PTPRM: variants seen among roughly 807,000 people sequenced by gnomAD.
The protein encoded by PTPRM is protein tyrosine phosphatase receptor type M.
Under a neutral mutation model 186.7 loss-of-function variants are expected in PTPRM, and 47 were observed. The observed-to-expected ratio is 0.25, with a 90% CI of 0.20 to 0.32. The LOEUF is 0.32. PTPRM is among the 10% of genes least tolerant of loss of function. The probability of loss-of-function intolerance (pLI) is 1.00; values close to 1 mark genes in which losing one functional copy is unlikely to be tolerated. For synonymous variants in PTPRM, 668 were observed against 674.9 expected (o/e 0.99, Z 0.16); for missense variants, 1,494 against 1,865.0 (o/e 0.80, Z 3.66).
chr18:8,200,889 C>T (rs1311449166), intron 14 of PTPRM, among the ~76,000 whole-genome samples: 1 of 152,114 alleles, frequency 6.6e-6, no homozygotes, highest in African/African-American at 2.4e-5. Flanking sequence ...TATTCCTTTA[C>T]ATAACTGCAA....
chr18:7,884,210 C>T (rs1172687240), intron 2 of PTPRM, among the ~76,000 whole-genome samples: 1 of 152,120 alleles, frequency 6.6e-6, no homozygotes, highest in Non-Finnish European at 1.5e-5. Context: ...CTAAAGTCAT[C>T]ATAATGAAAG....
At chr18:8,349,749 G>C (rs2095524403) in intron 23 of PTPRM, among the ~76,000 whole-genome samples, 1 of 152,158 alleles carries the variant, frequency 6.6e-6, no homozygotes, top group Non-Finnish European at 1.5e-5. Flanking sequence ...ATTTCATTTT[G>C]TACTCAGCCC....
intron 21 of PTPRM, among the ~76,000 whole-genome samples, chr18:8,316,184 G>C (rs2095307776): frequency 6.6e-6 from 1 of 152,070 alleles, no homozygotes; most frequent in Non-Finnish European, 1.5e-5. Flanking sequence ...AGGCTCCAGG[G>C]GACACCGTTC....
At position 8,252,476 on chromosome 18, in the gene PTPRM, T is replaced by C; in HGVS notation, c.2555-12T>C. 6.5e-7 allele frequency: 1 copy of C among 1,539,606 alleles called. No individual in the cohort carries two copies. On this transcript the variant is annotated splice_polypyrimidine_tract_variant and intron_variant, in intron 17 of 32. Coordinates refer to ENST00000580170, the MANE Select transcript of PTPRM (RefSeq NM_001105244.2). ...TCCTCCTTTTTTCTCCTGATATGTA[T>C]CTTCTTAAAAGTGCCAATAAATGGT...
intron 5 of PTPRM, among the ~76,000 whole-genome samples, chr18:7,927,135 G>C (rs2051220134): frequency 6.6e-6 from 1 of 151,872 alleles, no homozygotes. Context: ...TTTTACTTTT[G>C]AGCTTTTAAA....
chr18:8,301,679 G>A (rs28728377), intron 20 of PTPRM, among the ~76,000 whole-genome samples: 2,462 of 152,334 alleles, frequency 0.016, 78 homozygotes, highest in African/African-American at 0.056. Context: ...AGGTGTCAGC[G>A]AGAGAGCAGG....
At chr18:7,641,489 C>A (rs577188523) in intron 1 of PTPRM, among the ~76,000 whole-genome samples, 2 of 152,158 alleles carry the variant, frequency 1.3e-5, no homozygotes, top group South Asian at 2.1e-4. Context: ...TGAAAAAAAA[C>A]ACACATCTTC....
At chr18:8,190,501 AC>A (rs1201603857) in intron 14 of PTPRM, among the ~76,000 whole-genome samples, 3 of 152,178 alleles carry the variant, frequency 2.0e-5, no homozygotes, top group African/African-American at 7.2e-5. Flanking sequence ...TGCTCACGTC[AC>A]TTTTTGAGTA....
At chr18:7,765,640 T>G (rs201603448) in intron 1 of PTPRM, among the ~76,000 whole-genome samples, 2 of 152,186 alleles carry the variant, frequency 1.3e-5, no homozygotes, top group East Asian at 3.8e-4. Context: ...TTCTACACAG[T>G]TTTAAATTTG....
chr18:7,982,085 T>A (rs1349120387), intron 7 of PTPRM, among the ~76,000 whole-genome samples: 1 of 152,168 alleles, frequency 6.6e-6, no homozygotes, highest in Non-Finnish European at 1.5e-5. Context: ...TTTATTTTTT[T>A]AAATTTGTGT....
intron 1 of PTPRM, among the ~76,000 whole-genome samples, chr18:7,772,347 TTCTCTTTCTTTCTTTCTTTC>T: frequency 8.6e-6 from 1 of 115,766 alleles, no homozygotes; most frequent in African/African-American, 3.3e-5. Context: ...CTTTCTTTCT[TTCTCTTTCTTTCTTTCTTTC>T]TTTCTTTCTT....
At chr18:8,083,323 C>G (rs1178561596) in intron 9 of PTPRM, among the ~76,000 whole-genome samples, 1 of 152,190 alleles carries the variant, frequency 6.6e-6, no homozygotes, top group Admixed American at 6.5e-5. Flanking sequence ...ACCCACTTCT[C>G]AAGCCCCCAA....
intron 19 of PTPRM, among the ~76,000 whole-genome samples, chr18:8,263,651 G>T (rs2094661534): frequency 6.6e-6 from 1 of 152,106 alleles, no homozygotes; most frequent in Non-Finnish European, 1.5e-5. Context: ...TGATTAGAGA[G>T]TTGGAACTTT....
At chr18:7,659,193 T>A (rs2038923878) in intron 1 of PTPRM, among the ~76,000 whole-genome samples, 1 of 151,774 alleles carries the variant, frequency 6.6e-6, no homozygotes, top group Non-Finnish European at 1.5e-5. Context: ...CACTGACTGT[T>A]CTCCATCTTA....
chr18:8,403,153 T>C (rs1489788688), intron 32 of PTPRM: 3 of 152,186 alleles, frequency 2.0e-5, no homozygotes, highest in Admixed American at 2.0e-4. Context: ...CTCAGACCCA[T>C]GAGTCTAGAA....
At position 8,015,880 on chromosome 18, in the gene PTPRM, A is replaced by C. The variant is rs572549195; in HGVS notation, c.1133-53806A>C. On this transcript the variant is annotated intron_variant, in intron 7 of 32. Transcript: ENST00000580170. ...GGTAGGAAAAATTGCATTTATCTGA[A>C]TTAATCTTGGAGTGAATACTAAAGT... Among the ~76,000 whole-genome samples the C allele has an allele frequency of 4.6e-5, 7 of 152,320 alleles. No individual in the cohort carries two copies. The South Asian group carries it at 1.4e-3, about 32-fold the overall frequency.
At chr18:8,286,011 T>C (rs1449818265) in intron 19 of PTPRM, among the ~76,000 whole-genome samples, 1 of 152,164 alleles carries the variant, frequency 6.6e-6, no homozygotes, top group African/African-American at 2.4e-5. Flanking sequence ...CGAAATTTCA[T>C]TTGCAAGTAC....
At chr18:7,862,966 T>G (rs1280407071) in intron 2 of PTPRM, among the ~76,000 whole-genome samples, 1 of 152,178 alleles carries the variant, frequency 6.6e-6, no homozygotes, top group Non-Finnish European at 1.5e-5. Flanking sequence ...AAGGGAGATT[T>G]CTTGGGAAAC....
chr18:7,949,222 G>T lies in PTPRM; in HGVS notation c.705G>T (p.Val235=). 1 of 1,611,480 alleles carries T rather than the reference G, an allele frequency of 6.2e-7. No individual in the cohort carries two copies. The highest frequency in any genetic ancestry group is 1.1e-5 in the South Asian group (1 of 90,982). Reference sequence around the variant, plus strand: ...ATGCTCCTCTGAAGGAAATCAAGGTGACCAGCTCCCGACGCTTCATTGCTT... The same window carrying T: ...ATGCTCCTCTGAAGGAAATCAAGGTTACCAGCTCCCGACGCTTCATTGCTT... ...VRDAPLKEIK[V]TSSRRFIASF... The change falls in exon 6 of 33, where the codon GTG becomes GTT. Residue 235 remains valine (V), a synonymous_variant. Coordinates refer to ENST00000580170, the MANE Select transcript of PTPRM (RefSeq NM_001105244.2).
Sources: gnomAD v4.1 joint callset for allele counts (sites outside exome capture counted in the v4.1 genomes callset) on GRCh38, gnomAD v4.1.1 for gene constraint, MANE v1.5 for transcripts, NCBI Gene and HGNC (gene_info 2026-07-23, HGNC 2026-07-21) for gene names.